SKIL: variants seen among roughly 807,000 people sequenced by gnomAD.
SKIL encodes the protein ski-like protein.
SKIL carries 20 observed loss-of-function variants against 69.6 expected under a neutral mutation model. The ratio of observed to expected loss-of-function variants is 0.29; its 90% CI spans 0.20 to 0.42. The LOEUF is 0.42. Among genes scored for constraint, SKIL ranks in the 10% least tolerant of loss-of-function variants. SKIL has a pLI of 1.00. For synonymous variants in SKIL, 310 were observed against 279.9 expected, an observed-to-expected ratio of 1.11 and a Z score of -1.08; for missense variants, 745 against 783.1, an observed-to-expected ratio of 0.95 and a Z score of 0.58.
rs1738159400 is a variant in SKIL, at chr3:170,395,888, T to G, written c.*3471T>G. 6.7e-6 allele frequency: 1 copy of G among 149,746 alleles called. No individual in the cohort carries two copies. Among genetic ancestry groups the G allele is most frequent in the Non-Finnish European group, 1.5e-5 (1 of 67,488 alleles). 9.3% of individuals were successfully genotyped at this position (149,746 alleles called of 1,614,324 possible). ...AATAAGGGACATAAAACTGCTGTAT[T>G]ATACATTGTGGAATTGAATAAACAG... On this transcript the variant is annotated 3_prime_UTR_variant, in exon 7 of 7. Coordinates refer to ENST00000259119, the MANE Select transcript of SKIL (RefSeq NM_005414.5).
At chr3:170,363,674 C>G (rs1348124940) in intron 2 of SKIL, among the ~76,000 whole-genome samples, 2 of 152,022 alleles carry the variant, frequency 1.3e-5, no homozygotes, top group East Asian at 3.9e-4. Flanking sequence ...TTAGCAGAGA[C>G]TGGTTTCGCC....
At chr3:170,379,655 T>A (rs185316728) in intron 2 of SKIL, among the ~76,000 whole-genome samples, 66 of 152,324 alleles carry the variant, frequency 4.3e-4, no homozygotes, top group African/African-American at 1.5e-3. Flanking sequence ...TGTTTTGTTT[T>A]GTTTTTTGAG....
chr3:170,384,560 G>A lies in SKIL; in HGVS notation c.1224G>A (p.Val408=). 6.2e-7 allele frequency: 1 copy of A among 1,603,764 alleles called. No individual in the cohort carries two copies. Among genetic ancestry groups the A allele is most frequent in the Non-Finnish European group, 8.5e-7 (1 of 1,172,238 alleles). ...PSYYLYMCDK[V]VAPNVSLTSA... is the part of the protein sequence containing the mutation. ...ACTACTTATACATGTGTGATAAAGT[G>A]GTTGCCCCAAATGTGTCACTTACTT... is the stretch of plus-strand genomic sequence containing the variant. Residue 408 remains valine, a synonymous_variant, in exon 4 of 7, where the codon GTG becomes GTA. Coordinates refer to ENST00000259119, the MANE Select transcript of SKIL (RefSeq NM_005414.5).
At chr3:170,381,200 C>A in intron 2 of SKIL, 44 bp from the exon 3 acceptor site, 2 of 1,059,056 alleles carry the variant, frequency 1.9e-6, no homozygotes, top group Non-Finnish European at 3.0e-6. Flanking sequence ...TTAACCTTCA[C>A]AGTTTTACTT....
At chr3:170,363,752 T>TG (rs1206528448) in intron 2 of SKIL, among the ~76,000 whole-genome samples, 1 of 152,218 alleles carries the variant, frequency 6.6e-6, no homozygotes, top group East Asian at 1.9e-4. Context: ...CTCAAAGTGC[T>TG]GGGATTACAG....
chr3:170,385,294 G>A (rs1376696550), intron 4 of SKIL, among the ~76,000 whole-genome samples: 1 of 143,168 alleles, frequency 7.0e-6, no homozygotes, highest in African/African-American at 2.6e-5. Context: ...GTCTTGGTAT[G>A]TTGCTCAAGC....
chr3:170,359,003 A>C (rs568664647), intron 1 of SKIL, among the ~76,000 whole-genome samples: 1 of 152,178 alleles, frequency 6.6e-6, no homozygotes, highest in Non-Finnish European at 1.5e-5. Context: ...GTTAACTCCT[A>C]TCTGATTTTT....
chr3:170,362,604 C>T (rs925220098), intron 2 of SKIL, among the ~76,000 whole-genome samples: 2 of 151,712 alleles, frequency 1.3e-5, no homozygotes, highest in African/African-American at 2.4e-5. Flanking sequence ...CACTTCAGGT[C>T]AGGAGTTTGA....
rs143157544 is a variant in SKIL, at chr3:170,391,908, A to G, written c.1897-351A>G. 7.8e-3 allele frequency among the ~76,000 whole-genome samples: 1,192 copies of G among 152,310 alleles called. 15 individuals carry two copies. The highest frequency in any genetic ancestry group is 0.028 in the African/African-American group (1,156 of 41,566). On this transcript the variant is annotated intron_variant, in intron 6 of 6. Transcript: ENST00000259119. ...CAGGAACTGTTGCCTGTTATGTTCA[A>G]AAGCACTGGAGCAAAAATAAGCAAT...
At chr3:170,371,818 G>T (rs1736817637) in intron 2 of SKIL, among the ~76,000 whole-genome samples, 1 of 152,070 alleles carries the variant, frequency 6.6e-6, no homozygotes, top group Non-Finnish European at 1.5e-5. Flanking sequence ...CCGCCAGGAG[G>T]GTCATGAAAT....
rs1160058739 is a variant in SKIL at position 170,387,764 on chromosome 3, A to AAAAACAAAAC, written c.1430-2455_1430-2454insCAAAACAAAA. ...CGGTGAAACCCCGTCTCTACTAAAAAAAAAAAAAAATACAAAAAAATTAGC... is the reference window on the plus strand; with the variant it reads ...CGGTGAAACCCCGTCTCTACTAAAAAAAAACAAAACAAAAAAAAAATACAAAAAAATTAGC... On this transcript the variant is annotated intron_variant, in intron 4 of 6. Coordinates refer to ENST00000259119, the MANE Select transcript of SKIL (RefSeq NM_005414.5). Among the ~76,000 whole-genome samples the AAAAACAAAAC allele has an allele frequency of 2.3e-5, 3 of 131,440 alleles. No homozygotes were observed. The Admixed American group carries it at 2.4e-4, about 11-fold the overall frequency. The allele number at this position is 131,440 out of a possible 152,430, so 86.2% of individuals were successfully genotyped here.
intron 3 of SKIL, among the ~76,000 whole-genome samples, chr3:170,381,869 C>G (rs1038690508): frequency 1.3e-5 from 2 of 151,886 alleles, no homozygotes; most frequent in African/African-American, 4.8e-5. Context: ...ATCATGAGGT[C>G]AGGAGATCGA....
chr3:170,360,729 C>T lies in SKIL; in HGVS notation c.398C>T (p.Pro133Leu). ...CCATCACCTCAGGTTCTTCCTGGCCCATTGCTCATCCCTTCAGATAGCTCC... is the reference window on the plus strand; with the variant it reads ...CCATCACCTCAGGTTCTTCCTGGCCTATTGCTCATCCCTTCAGATAGCTCC... The part of the protein sequence containing the change: ...PLPSPQVLPG[P>L]LLIPSDSSTE... Residue 133 changes from proline (P) to leucine (L), a missense_variant, in exon 2 of 7, where the codon CCA becomes CTA. Physicochemically the swap from Pro to Leu is moderately conservative, Grantham distance 98. Transcript: ENST00000259119. 1 of 1,614,200 alleles carries T rather than the reference C, an allele frequency of 6.2e-7. No homozygotes were observed. The highest frequency in any genetic ancestry group is 8.5e-7 in the Non-Finnish European group (1 of 1,180,030).
At chr3:170,370,495 T>C (rs1260988911) in intron 2 of SKIL, among the ~76,000 whole-genome samples, 4 of 128,508 alleles carry the variant, frequency 3.1e-5, no homozygotes, top group African/African-American at 1.2e-4. Flanking sequence ...TCTTCTTATA[T>C]CTTACAGTCT....
chr3:170,370,799 G>A (rs1171855650), intron 2 of SKIL, among the ~76,000 whole-genome samples: 2 of 152,076 alleles, frequency 1.3e-5, no homozygotes, highest in African/African-American at 4.8e-5. Flanking sequence ...AAAACAATTA[G>A]CTGGGCTTGG....
intron 2 of SKIL, among the ~76,000 whole-genome samples, chr3:170,373,346 A>G (rs1212577058): frequency 6.6e-6 from 1 of 151,826 alleles, no homozygotes; most frequent in Admixed American, 6.6e-5. Context: ...TGCCTGGCTA[A>G]TTTTATATTT....
chr3:170,358,176 A>G (rs1736033735), intron 1 of SKIL, among the ~76,000 whole-genome samples: 2 of 152,116 alleles, frequency 1.3e-5, no homozygotes, highest in Admixed American at 1.3e-4. Context: ...CCCGGCGCCT[A>G]AACTGCCCTG....
intron 2 of SKIL, among the ~76,000 whole-genome samples, chr3:170,380,054 C>T (rs16855034): frequency 1.3e-5 from 2 of 152,030 alleles, no homozygotes; most frequent in African/African-American, 4.8e-5. Context: ...GTTCTCAGCC[C>T]GTAGATGTTC....
Position 170,392,797 on chromosome 3 carries a change from C to T in SKIL, c.*380C>T, listed in dbSNP as rs1366952632. On this transcript the variant is annotated 3_prime_UTR_variant, in exon 7 of 7. Coordinates refer to ENST00000259119, the MANE Select transcript of SKIL (RefSeq NM_005414.5). ...CATATTTCAGACTCAATTTTAGATA[C>T]AATGGTGGCTTTATATTTTAAGTAT... The T allele has an allele frequency of 6.5e-6, 1 of 154,414 alleles. No individual in the cohort carries two copies. The highest frequency in any genetic ancestry group is 2.0e-4 in the South Asian group (1 of 4,932). The allele number at this position is 154,414 out of a possible 1,614,324, so 9.6% of individuals were successfully genotyped here. A position where few individuals can be genotyped will look rare whatever the true frequency, so the allele number is the denominator to read the frequency against.
Sources: allele counts gnomAD v4.1 joint callset (sites outside exome capture counted in the v4.1 genomes callset), GRCh38; gene constraint gnomAD v4.1.1; transcripts MANE v1.5; gene names NCBI Gene and HGNC (gene_info 2026-07-23, HGNC 2026-07-21).